Variants in SERP2 observed in about 807,000 individuals in gnomAD.
SERP2 encodes stress-associated endoplasmic reticulum protein 2.
Under a neutral mutation model 9.1 loss-of-function variants are expected in SERP2, and 6 were observed. The ratio of observed to expected loss-of-function variants is 0.66; its 90% CI spans 0.36 to 1.30. SERP2 has a LOEUF of 1.30. SERP2 is among the 50% of genes most tolerant of loss of function. The pLI is 0.03. For synonymous variants in SERP2, 37 were observed against 27.3 expected (o/e 1.35, Z -1.10); for missense variants, 58 against 81.9 (o/e 0.71, Z 1.13).
At chr13:44,380,450 C>A (rs533346854) in intron 2 of SERP2, among the ~76,000 whole-genome samples, 31 of 152,210 alleles carry the variant, frequency 2.0e-4, no homozygotes, top group African/African-American at 7.5e-4. Flanking sequence ...TCTTCCTGCT[C>A]AGGCTTAGGC....
At chr13:44,384,513 C>T (rs1325860666) in intron 2 of SERP2, among the ~76,000 whole-genome samples, 2 of 152,212 alleles carry the variant, frequency 1.3e-5, no homozygotes, top group African/African-American at 4.8e-5. Flanking sequence ...AAATCCCCTA[C>T]ATCTCACATC....
intron 2 of SERP2, among the ~76,000 whole-genome samples, chr13:44,382,252 C>T (rs200866133): frequency 2.0e-5 from 3 of 151,386 alleles, no homozygotes; most frequent in Non-Finnish European, 2.9e-5. Flanking sequence ...CTGGCTAACA[C>T]GATGAAGCCC....
rs114044378 is a variant in SERP2 at position 44,376,984 on chromosome 13, A to G, written c.85-2657A>G. Among the ~76,000 whole-genome samples the G allele has an allele frequency of 1.2e-3, 180 of 152,290 alleles. 1 individual carries two copies. Among genetic ancestry groups the G allele is most frequent in the African/African-American group, 4.2e-3 (174 of 41,558 alleles). On this transcript the variant is annotated intron_variant, in intron 1 of 2. Coordinates refer to ENST00000379179, the MANE Select transcript of SERP2 (RefSeq NM_001010897.3). ...AAACCATGTCATTTGCAGAATCACT[A>G]CTAGTTTTCCCCACCTTTTCCAGCC... is the stretch of plus-strand genomic sequence containing the variant.
chr13:44,394,474 A>T (rs2138800114), intron 2 of SERP2, among the ~76,000 whole-genome samples: 1 of 152,306 alleles, frequency 6.6e-6, no homozygotes, highest in East Asian at 1.9e-4. Flanking sequence ...AAAGAATTGC[A>T]TGGTTTCTTA....
intron 2 of SERP2, chr13:44,390,354 C>T: frequency 2.4e-6 from 1 of 421,860 alleles, no homozygotes; most frequent in Non-Finnish European, 4.6e-6. Flanking sequence ...GCCATATTTG[C>T]AGGTCAACCA....
chr13:44,397,244 C>T, intron 2 of SERP2, 28 bp from the exon 3 acceptor site: 1 of 1,610,024 alleles, frequency 6.2e-7, no homozygotes, highest in East Asian at 2.2e-5. Flanking sequence ...AGTCTGGTGT[C>T]TGAGCTGTGG....
At chr13:44,388,941 A>G (rs1367594539) in intron 2 of SERP2, among the ~76,000 whole-genome samples, 1 of 152,202 alleles carries the variant, frequency 6.6e-6, no homozygotes, top group Non-Finnish European at 1.5e-5. Flanking sequence ...AGTACAAGTC[A>G]TACACATGCC....
rs1871449465 is a variant in SERP2 at position 44,373,829 on chromosome 13, C to G, written c.-197C>G. 1.9e-6 allele frequency: 1 copy of G among 528,450 alleles called. No homozygotes were observed. The highest frequency in any genetic ancestry group is 3.3e-6 in the Non-Finnish European group (1 of 301,450). The allele number at this position is 528,450 out of a possible 1,614,324, so 32.7% of individuals were successfully genotyped here. ...GTTTCCTGAGATGAGAGATTACTTC[C>G]GTCCGGGCTGCGGCCTCTCTCTGGA... On this transcript the variant is annotated 5_prime_UTR_variant, in exon 1 of 3. Coordinates refer to ENST00000379179, the MANE Select transcript of SERP2 (RefSeq NM_001010897.3). This position sits in a 1 kb window ranked among gnomAD's most constrained non-coding sequence, Gnocchi z 4.8.
chr13:44,396,301 ACT>A (rs750118231), intron 2 of SERP2, among the ~76,000 whole-genome samples: 2 of 151,898 alleles, frequency 1.3e-5, no homozygotes, highest in Non-Finnish European at 2.9e-5. Flanking sequence ...GTTCTGGATA[ACT>A]CTGTTTTACC....
At chr13:44,383,550 T>TTG (rs1872135334) in intron 2 of SERP2, among the ~76,000 whole-genome samples, 1 of 102,346 alleles carries the variant, frequency 9.8e-6, no homozygotes, top group Non-Finnish European at 2.3e-5. Context: ...TTGCGTTTTT[T>TTG]TTGTTTTTTT....
chr13:44,396,487 A>G (rs2138802859), intron 2 of SERP2, among the ~76,000 whole-genome samples: 1 of 151,844 alleles, frequency 6.6e-6, no homozygotes, highest in South Asian at 2.1e-4. Flanking sequence ...TATCATTACC[A>G]TCATCTTTGT....
intron 2 of SERP2, among the ~76,000 whole-genome samples, chr13:44,385,035 T>C (rs1026604740): frequency 1.3e-5 from 2 of 152,254 alleles, no homozygotes; most frequent in African/African-American, 4.8e-5. Context: ...TCTGGCTGTC[T>C]TCTGGGAAAG....
chr13:44,387,844 C>G (rs1015974696), intron 2 of SERP2, among the ~76,000 whole-genome samples: 1 of 152,194 alleles, frequency 6.6e-6, no homozygotes, highest in Non-Finnish European at 1.5e-5. Context: ...GACTATTTCT[C>G]CCTCATGTAT....
intron 2 of SERP2, among the ~76,000 whole-genome samples, chr13:44,395,430 CCGTCT>C (rs1873032644): frequency 2.0e-5 from 3 of 151,744 alleles, no homozygotes; most frequent in Non-Finnish European, 4.4e-5. Context: ...CGGTGAAATC[CCGTCT>C]CTACTAAAAA....
chr13:44,395,825 C>T, intron 2 of SERP2: 2 of 457,172 alleles, frequency 4.4e-6, no homozygotes, highest in Non-Finnish European at 8.8e-6. Flanking sequence ...AATAATAGTA[C>T]AGGACCCACT....
chr13:44,380,088 G>A (rs537544857), intron 2 of SERP2, among the ~76,000 whole-genome samples: 13 of 152,270 alleles, frequency 8.5e-5, no homozygotes. Flanking sequence ...TATGCCTTAT[G>A]AGAAAGTTCT....
chr13:44,381,238 CAAAAA>C (rs58535681), intron 2 of SERP2, among the ~76,000 whole-genome samples: 1 of 46,010 alleles, frequency 2.2e-5, no homozygotes, highest in East Asian at 7.5e-4. Context: ...AACTCCGTCT[CAAAAA>C]AAAAAAAAAA....
At chr13:44,387,633 G>A (rs1872393455) in intron 2 of SERP2, among the ~76,000 whole-genome samples, 1 of 152,060 alleles carries the variant, frequency 6.6e-6, no homozygotes, top group Non-Finnish European at 1.5e-5. Flanking sequence ...CCTTTTCTGA[G>A]CTCTGGGTGT....
chr13:44,383,491 CCAG>C (rs2138785151), intron 2 of SERP2, among the ~76,000 whole-genome samples: 1 of 151,858 alleles, frequency 6.6e-6, no homozygotes, highest in African/African-American at 2.4e-5. Flanking sequence ...CTCCTGGTCT[CCAG>C]CAGTTTCCTA....
Sources: gnomAD v4.1 joint callset for allele counts (sites outside exome capture counted in the v4.1 genomes callset) on GRCh38, gnomAD v4.1.1 for gene constraint, Gnocchi (gnomAD v3.1) non-coding constraint, MANE v1.5 for transcripts, NCBI Gene and HGNC (gene_info 2026-07-23, HGNC 2026-07-21) for gene names.